Variants in VSTM4 observed in about 807,000 individuals in gnomAD.
The protein encoded by VSTM4 is V-set and transmembrane domain-containing protein 4.
Under a neutral mutation model 36.4 loss-of-function variants are expected in VSTM4, and 20 were observed. The ratio of observed to expected loss-of-function variants is 0.55; its 90% CI spans 0.39 to 0.80. The LOEUF (loss-of-function observed/expected upper bound fraction) is 0.80, where lower values mean the gene tolerates loss of function less well. VSTM4 is among the 30% of genes least tolerant of loss of function. The probability of loss-of-function intolerance (pLI) is 0.00; values close to 1 mark genes in which losing one functional copy is unlikely to be tolerated. For missense variants in VSTM4, 392 were observed against 404.5 expected (o/e 0.97, Z 0.26); for synonymous variants, 182 against 173.9 (o/e 1.05, Z -0.37).
intron 7 of VSTM4, among the ~76,000 whole-genome samples, chr10:49,039,301 G>T (rs900329877): frequency 6.6e-6 from 1 of 152,036 alleles, no homozygotes; most frequent in African/African-American, 2.4e-5. Context: ...CTGAGGGAGC[G>T]CAGGCAGATT....
At chr10:49,045,280 T>C (rs915894274) in intron 7 of VSTM4, among the ~76,000 whole-genome samples, 1 of 152,088 alleles carries the variant, frequency 6.6e-6, no homozygotes, top group Non-Finnish European at 1.5e-5. Flanking sequence ...TAAATAATTA[T>C]GTAGTTAAAA....
chr10:49,103,212 G>A (rs1396178041), intron 2 of VSTM4: 1 of 152,358 alleles, frequency 6.6e-6, no homozygotes, highest in African/African-American at 2.4e-5. Flanking sequence ...CAATAAGCAG[G>A]AAGCTAAATT....
At chr10:49,070,353 A>G (rs142533053) in intron 4 of VSTM4, among the ~76,000 whole-genome samples, 105 of 152,024 alleles carry the variant, frequency 6.9e-4, no homozygotes, top group Non-Finnish European at 3.5e-4. Flanking sequence ...ACAGTGGGTT[A>G]AGTAAAAATA....
intron 7 of VSTM4, among the ~76,000 whole-genome samples, chr10:49,022,162 T>G (rs890819640): frequency 2.6e-5 from 4 of 152,136 alleles, no homozygotes; most frequent in Non-Finnish European, 5.9e-5. Context: ...TTTTAACCCA[T>G]AATTAAAAAA....
intron 2 of VSTM4, among the ~76,000 whole-genome samples, chr10:49,092,076 G>A (rs1392204835): frequency 6.6e-6 from 1 of 152,152 alleles, no homozygotes; most frequent in Non-Finnish European, 1.5e-5. Context: ...CCCTGGCCAG[G>A]GTAGCTGAAG....
At chr10:49,088,881 T>C (rs938961735) in intron 2 of VSTM4, among the ~76,000 whole-genome samples, 13 of 152,214 alleles carry the variant, frequency 8.5e-5, no homozygotes, top group Admixed American at 2.0e-4. Flanking sequence ...CCCATCATGG[T>C]GTGGACCCTT....
intron 7 of VSTM4, among the ~76,000 whole-genome samples, chr10:49,036,300 A>G (rs1843430365): frequency 6.6e-6 from 1 of 152,230 alleles, no homozygotes; most frequent in Admixed American, 6.5e-5. Flanking sequence ...CTAGGGGAGC[A>G]TAGAAATTTT....
intron 2 of VSTM4, among the ~76,000 whole-genome samples, chr10:49,096,648 T>TGTGTGTGC (rs1288933333): frequency 2.6e-5 from 4 of 151,052 alleles, no homozygotes; most frequent in African/African-American, 9.8e-5. Flanking sequence ...TGTGTGTGTG[T>TGTGTGTGC]GTGTGTGTGT....
intron 2 of VSTM4, among the ~76,000 whole-genome samples, chr10:49,098,002 A>C (rs1012676423): frequency 6.6e-5 from 10 of 152,228 alleles, no homozygotes; most frequent in Non-Finnish European, 1.3e-4. Context: ...GATGCCTGCC[A>C]GGTATGAAAC....
chr10:49,083,894 C>G (rs1332630595), intron 3 of VSTM4, among the ~76,000 whole-genome samples: 1 of 152,148 alleles, frequency 6.6e-6, no homozygotes, highest in Admixed American at 6.5e-5. Flanking sequence ...TTCTCTGATC[C>G]CTTCCTAATG....
chr10:49,051,267 T>C (rs1843693508), intron 5 of VSTM4, among the ~76,000 whole-genome samples: 1 of 152,190 alleles, frequency 6.6e-6, no homozygotes, highest in Non-Finnish European at 1.5e-5. Flanking sequence ...CACAGTTTTG[T>C]CTTTTCCAGG....
chr10:49,055,118 C>T (rs1007824519), intron 5 of VSTM4, among the ~76,000 whole-genome samples: 4 of 152,178 alleles, frequency 2.6e-5, no homozygotes, highest in African/African-American at 9.7e-5. Context: ...CAAATGCTTT[C>T]GTCAAGCCAA....
In VSTM4 at chr10:49,064,696, T is replaced by G; in HGVS notation, c.668+7A>C. 1 of 1,609,616 alleles carries G rather than the reference T, an allele frequency of 6.2e-7. No individual in the cohort carries two copies. The highest frequency in any genetic ancestry group is 8.5e-7 in the Non-Finnish European group (1 of 1,178,648). On this transcript the variant is annotated splice_region_variant and intron_variant, in intron 5 of 7. Coordinates refer to ENST00000332853, the MANE Select transcript of VSTM4 (RefSeq NM_001031746.5). ...TTCATCTGAAAAAAGGAAGAAAATA[T>G]TCTTACCTGTTCTGAGGGCATTTCA...
intron 1 of VSTM4, among the ~76,000 whole-genome samples, chr10:49,113,332 C>T (rs1034247582): frequency 1.3e-5 from 2 of 152,222 alleles, no homozygotes; most frequent in Non-Finnish European, 2.9e-5. Flanking sequence ...AGCCCATGGA[C>T]TGATTCACTC....
intron 2 of VSTM4, chr10:49,103,539 C>T (rs1844706584): frequency 1.5e-6 from 2 of 1,310,718 alleles, no homozygotes; most frequent in Non-Finnish European, 9.7e-7. Flanking sequence ...AGAAAACAAC[C>T]AACATATGGA....
At chr10:49,108,656 G>C (rs1236885555) in intron 1 of VSTM4, among the ~76,000 whole-genome samples, 4 of 152,206 alleles carry the variant, frequency 2.6e-5, no homozygotes. Context: ...TGAAGAGCAA[G>C]AATAAAGAAT....
intron 1 of VSTM4, among the ~76,000 whole-genome samples, chr10:49,111,712 T>C (rs891063767): frequency 1.3e-5 from 2 of 152,200 alleles, no homozygotes; most frequent in African/African-American, 2.4e-5. Flanking sequence ...TTAAGCCTCA[T>C]GCAGCAGGCA....
At chr10:49,028,156 C>A (rs1843291659) in intron 7 of VSTM4, among the ~76,000 whole-genome samples, 1 of 152,166 alleles carries the variant, frequency 6.6e-6, no homozygotes, top group Non-Finnish European at 1.5e-5. Context: ...AGGAACTTTC[C>A]CATCCTAGAC....
chr10:49,092,202 G>A (rs886212113), intron 2 of VSTM4, among the ~76,000 whole-genome samples: 1 of 152,220 alleles, frequency 6.6e-6, no homozygotes, highest in African/African-American at 2.4e-5. Context: ...TTATTAAAAC[G>A]AAGACTCCCA....
Sources: gnomAD v4.1 joint callset for allele counts (sites outside exome capture counted in the v4.1 genomes callset) on GRCh38, gnomAD v4.1.1 for gene constraint, MANE v1.5 for transcripts, NCBI Gene and HGNC (gene_info 2026-07-23, HGNC 2026-07-21) for gene names.